Variants in HSD17B3 observed in about 807,000 individuals in gnomAD.
HSD17B3 encodes the protein 17-beta-hydroxysteroid dehydrogenase type 3.
HSD17B3 carries 29 observed loss-of-function variants against 41.1 expected under a neutral mutation model. The observed-to-expected ratio is 0.71, with a 90% CI of 0.53 to 0.96. The LOEUF (loss-of-function observed/expected upper bound fraction) is 0.96. HSD17B3 is among the 40% of genes least tolerant of loss of function. HSD17B3 has a pLI of 0.00. For missense variants in HSD17B3, 323 were observed against 374.6 expected (o/e 0.86, Z 1.14); for synonymous variants, 126 against 145.6 (o/e 0.87, Z 0.97).
chr9:96,299,524 G>A (rs995353538), intron 1 of HSD17B3, among the ~76,000 whole-genome samples: 2 of 152,062 alleles, frequency 1.3e-5, no homozygotes, highest in Non-Finnish European at 2.9e-5. Context: ...TAATAACGAC[G>A]GATAACGGTC....
At chr9:96,294,029 A>T (rs1456718007) in intron 2 of HSD17B3, among the ~76,000 whole-genome samples, 1 of 152,198 alleles carries the variant, frequency 6.6e-6, no homozygotes, top group Admixed American at 6.5e-5. Flanking sequence ...AGCAGCAGTT[A>T]GCAGGGAGAG....
chr9:96,243,961 A>G (rs1290999504), intron 9 of HSD17B3, among the ~76,000 whole-genome samples: 1 of 152,154 alleles, frequency 6.6e-6, no homozygotes, highest in Non-Finnish European at 1.5e-5. Context: ...CCTCCCACAT[A>G]AGCCTGTGTT....
chr9:96,287,866 A>G (rs1216193808), intron 2 of HSD17B3, among the ~76,000 whole-genome samples: 1 of 124,338 alleles, frequency 8.0e-6, no homozygotes, highest in Non-Finnish European at 1.7e-5. Flanking sequence ...TATTCATAAT[A>G]GCCAAAAAAA....
At position 96,302,131 on chromosome 9, in the gene HSD17B3, C is replaced by T. The variant is rs199704576; in HGVS notation, c.-27G>A. 13 of 1,612,056 alleles carry T rather than the reference C, an allele frequency of 8.1e-6. No individual in the cohort carries two copies. Among genetic ancestry groups the T allele is most frequent in the Non-Finnish European group, 1.0e-5 (12 of 1,179,084 alleles). On this transcript the variant is annotated 5_prime_UTR_variant, in exon 1 of 11. Transcript: ENST00000375263. ...GCTGCACTCAACAGACTGTTTCAGC[C>T]CTGGCCGTGGCTCTCTGTGTATGCC...
At chr9:96,278,315 G>A (rs1019143663) in intron 2 of HSD17B3, among the ~76,000 whole-genome samples, 6 of 151,978 alleles carry the variant, frequency 3.9e-5, no homozygotes, top group South Asian at 4.1e-4. Flanking sequence ...TAATAGATAC[G>A]TTCGTTAACT....
chr9:96,237,512 C>A lies in HSD17B3; in HGVS notation c.823-1942G>T, dbSNP rs1024318709. On this transcript the variant is annotated intron_variant, in intron 10 of 10. Transcript: ENST00000375263. Reference sequence around the variant, plus strand: ...ATGAAGCCTCCAAGCACGACAGGGTCTCTGTAGGTAGGGGCTCCATTCCTG... The same window carrying A: ...ATGAAGCCTCCAAGCACGACAGGGTATCTGTAGGTAGGGGCTCCATTCCTG... 2.6e-5 allele frequency among the ~76,000 whole-genome samples: 4 copies of A among 152,338 alleles called. No homozygotes were observed. In the East Asian group the frequency reaches 5.8e-4, roughly 22 times the overall value.
At chr9:96,291,515 G>A (rs777626062) in intron 2 of HSD17B3, among the ~76,000 whole-genome samples, 5 of 152,108 alleles carry the variant, frequency 3.3e-5, no homozygotes, top group African/African-American at 4.8e-5. Context: ...GTCCCATAAC[G>A]TAAAACCAAA....
At chr9:96,249,634 A>C (rs2130723586) in intron 6 of HSD17B3, 117 bp downstream of exon 6, 1 of 898,744 alleles carries the variant, frequency 1.1e-6, no homozygotes. Context: ...CTCTCAACTA[A>C]GTGTGGTTCG....
At chr9:96,265,363 T>C (rs1448973338) in intron 2 of HSD17B3, among the ~76,000 whole-genome samples, 1 of 152,236 alleles carries the variant, frequency 6.6e-6, no homozygotes, top group Non-Finnish European at 1.5e-5. Flanking sequence ...CCTTTGTTAC[T>C]AAGTCAATAT....
In HSD17B3 at chr9:96,240,106, A is replaced by G. The variant is rs556965939; in HGVS notation, c.822+652T>C. On this transcript the variant is annotated intron_variant, in intron 10 of 10. Coordinates refer to ENST00000375263, the MANE Select transcript of HSD17B3 (RefSeq NM_000197.2). ...GGGCAAGGGGAGAGAGAGCATTAGG[A>G]CAAATACCTAGTGCAAGCAGGGCTT... Among the ~76,000 whole-genome samples, 8 of 152,326 alleles carry G rather than the reference A, an allele frequency of 5.3e-5. No homozygotes were observed. In the South Asian group the frequency reaches 1.7e-3, roughly 32 times the overall value.
At chr9:96,289,214 T>G (rs1329427831) in intron 2 of HSD17B3, among the ~76,000 whole-genome samples, 1 of 150,306 alleles carries the variant, frequency 6.7e-6, no homozygotes, top group Non-Finnish European at 1.5e-5. Flanking sequence ...TGTGTGTGTG[T>G]GTGTGTATGT....
chr9:96,261,487 A>C (rs1325205962), intron 2 of HSD17B3, among the ~76,000 whole-genome samples: 3 of 152,154 alleles, frequency 2.0e-5, no homozygotes, highest in Non-Finnish European at 4.4e-5. Context: ...GAGCCACTGC[A>C]CTTGGCCCAA....
At chr9:96,298,684 G>T (rs761900104) in intron 1 of HSD17B3, among the ~76,000 whole-genome samples, 2 of 151,482 alleles carry the variant, frequency 1.3e-5, no homozygotes, top group Non-Finnish European at 3.0e-5. Flanking sequence ...TTTGTTGGTT[G>T]GTTGGTTGGT....
chr9:96,286,159 C>G (rs1274124079), intron 2 of HSD17B3, among the ~76,000 whole-genome samples: 1 of 152,140 alleles, frequency 6.6e-6, no homozygotes, highest in African/African-American at 2.4e-5. Flanking sequence ...GCCTGGCCAA[C>G]ATGACAAAAC....
At chr9:96,292,048 TA>T (rs1170724906) in intron 2 of HSD17B3, among the ~76,000 whole-genome samples, 1 of 152,086 alleles carries the variant, frequency 6.6e-6, no homozygotes, top group Non-Finnish European at 1.5e-5. Context: ...ATAGAAGATG[TA>T]AGGAAGAACC....
intron 2 of HSD17B3, among the ~76,000 whole-genome samples, chr9:96,267,097 G>C (rs1826067249): frequency 6.6e-6 from 1 of 151,860 alleles, no homozygotes; most frequent in Admixed American, 6.6e-5. Flanking sequence ...CTTGAAGACA[G>C]ACTGCCAGAC....
chr9:96,243,737 G>A (rs532428940), intron 9 of HSD17B3, among the ~76,000 whole-genome samples: 1 of 152,330 alleles, frequency 6.6e-6, no homozygotes, highest in South Asian at 2.1e-4. Context: ...AGCAGGCAGT[G>A]ACAGCCCAGC....
intron 5 of HSD17B3, 24 bp from the exon 6 acceptor site, chr9:96,249,810 A>T (rs746468421): frequency 1.2e-6 from 2 of 1,613,924 alleles, no homozygotes; most frequent in South Asian, 2.2e-5. Flanking sequence ...TCACAACCAC[A>T]CATCAGCCGG....
chr9:96,298,749 A>G (rs1033084497), intron 1 of HSD17B3, among the ~76,000 whole-genome samples: 5 of 152,124 alleles, frequency 3.3e-5, no homozygotes, highest in Non-Finnish European at 7.3e-5. Flanking sequence ...ATGTTCCAAA[A>G]TGAAACAGAT....
Sources: gnomAD v4.1 joint callset for allele counts (sites outside exome capture counted in the v4.1 genomes callset) on GRCh38, gnomAD v4.1.1 for gene constraint, MANE v1.5 for transcripts, NCBI Gene and HGNC (gene_info 2026-07-23, HGNC 2026-07-21) for gene names.